Variants in CCDC13 observed in about 807,000 individuals in gnomAD.
CCDC13 encodes coiled-coil domain-containing protein 13.
A neutral mutation model predicts 87.3 loss-of-function variants in CCDC13; 70 were observed. That is an observed-to-expected ratio of 0.80 (90% CI 0.66 to 0.98). The LOEUF (loss-of-function observed/expected upper bound fraction) is 0.98, where lower values mean the gene tolerates loss of function less well. Among genes scored for constraint, CCDC13 ranks in the 50% least tolerant of loss-of-function variants. The pLI, the probability that CCDC13 is intolerant of heterozygous loss-of-function variation, is 0.00. For synonymous variants in CCDC13, 317 were observed against 360.3 expected (o/e 0.88, Z 1.36); for missense variants, 842 against 892.0 (o/e 0.94, Z 0.71).
chr3:42,721,993 CA>C (rs1698574770), intron 13 of CCDC13, among the ~76,000 whole-genome samples: 1 of 152,184 alleles, frequency 6.6e-6, no homozygotes, highest in Admixed American at 6.5e-5. Flanking sequence ...AACAGTTGGC[CA>C]GTTCATGGAA....
In CCDC13 at chr3:42,739,726, G is replaced by T; in HGVS notation, c.1072C>A (p.Leu358Met). The T allele has an allele frequency of 6.2e-7, 1 of 1,614,212 alleles. No homozygotes were observed. Among genetic ancestry groups the T allele is most frequent in the East Asian group, 2.2e-5 (1 of 44,894 alleles). Residue 358 changes from leucine (L) to methionine (M), a missense_variant, in exon 9 of 16, where the codon CTG becomes ATG. Coordinates refer to ENST00000310232, the MANE Select transcript of CCDC13 (RefSeq NM_144719.4). ...AGGGTCTTCATCTCACTTGACAGCA[G>T]CTTGTTCCGAGACCTCATGCCCTCG... ...KFEGMRSRNK[L>M]LSSEMKTLKS... is the part of the protein sequence containing the mutation.
chr3:42,731,170 C>T (rs1698820564), intron 12 of CCDC13, among the ~76,000 whole-genome samples: 1 of 151,778 alleles, frequency 6.6e-6, no homozygotes, highest in African/African-American at 2.4e-5. Context: ...CTTCAACCCC[C>T]CAGAGCCCAC....
At chr3:42,750,028 T>G (rs1168567170) in intron 5 of CCDC13, 4 of 443,336 alleles carry the variant, frequency 9.0e-6, no homozygotes. Context: ...GTGGTGCTGA[T>G]GAATTGAGAC....
At chr3:42,714,807 C>T (rs909330445) in intron 13 of CCDC13, among the ~76,000 whole-genome samples, 4 of 152,224 alleles carry the variant, frequency 2.6e-5, no homozygotes, top group African/African-American at 9.6e-5. Context: ...CAGCTACTAA[C>T]ACATATTTAA....
chr3:42,710,389 C>A (rs891694088), intron 14 of CCDC13, among the ~76,000 whole-genome samples: 81 of 152,228 alleles, frequency 5.3e-4, no homozygotes, highest in African/African-American at 1.9e-3. Context: ...AAAGAGAAAC[C>A]AGCTGAGCCT....
At chr3:42,736,115 T>G (rs1699008264) in intron 9 of CCDC13, among the ~76,000 whole-genome samples, 1 of 152,258 alleles carries the variant, frequency 6.6e-6, no homozygotes, top group African/African-American at 2.4e-5. Context: ...GTTCTTTTCC[T>G]GTCCTCAACT....
At chr3:42,757,462 G>A (rs1321168382) in intron 2 of CCDC13, among the ~76,000 whole-genome samples, 1 of 152,234 alleles carries the variant, frequency 6.6e-6, no homozygotes, top group Non-Finnish European at 1.5e-5. Flanking sequence ...GCTGGGTGTG[G>A]TGGCTCATGC....
intron 13 of CCDC13, among the ~76,000 whole-genome samples, chr3:42,724,718 C>T (rs1412307732): frequency 6.6e-6 from 1 of 152,122 alleles, no homozygotes; most frequent in Non-Finnish European, 1.5e-5. Context: ...AAGAGTCTGA[C>T]CAAAGTGACC....
chr3:42,732,952 G>A lies in CCDC13; in HGVS notation c.1530C>T (p.Gly510=). 3.2e-6 allele frequency: 5 copies of A among 1,553,082 alleles called. No individual in the cohort carries two copies. The highest frequency in any genetic ancestry group is 4.4e-6 in the Non-Finnish European group (5 of 1,147,636). Residue 510 remains glycine, a synonymous_variant, in exon 12 of 16, where the codon GGC becomes GGT. Transcript: ENST00000310232. ...TGAGAGCAGATTCCACCAGTGTGTG[G>A]CCCAGGCTGGTCACAGAGCTGTGTA... The part of the protein sequence containing the change: ...LGSSRSVTSL[G]HTLVESALTR...
intron 13 of CCDC13, among the ~76,000 whole-genome samples, chr3:42,727,096 G>C (rs1180674033): frequency 6.6e-6 from 1 of 152,186 alleles, no homozygotes; most frequent in Non-Finnish European, 1.5e-5. Context: ...AACAGGCCAG[G>C]CGTGGTGGCT....
chr3:42,766,838 C>G (rs1384424361), intron 1 of CCDC13, among the ~76,000 whole-genome samples: 1 of 152,150 alleles, frequency 6.6e-6, no homozygotes, highest in Non-Finnish European at 1.5e-5. Flanking sequence ...ACAGAAAAAG[C>G]ATTTGACAAA....
At chr3:42,748,577 T>C (rs1362396871) in intron 5 of CCDC13, among the ~76,000 whole-genome samples, 1 of 152,162 alleles carries the variant, frequency 6.6e-6, no homozygotes, top group Non-Finnish European at 1.5e-5. Context: ...CAGATCCAAG[T>C]ATACTGGGTC....
At position 42,723,646 on chromosome 3, in the gene CCDC13, A is replaced by G. The variant is rs553818404; in HGVS notation, c.1718+6821T>C. Among the ~76,000 whole-genome samples the G allele has an allele frequency of 2.0e-5, 3 of 152,364 alleles. 1 individual carries two copies. In the South Asian group the frequency reaches 6.2e-4, roughly 32 times the overall value. On this transcript the variant is annotated intron_variant, in intron 13 of 15. Coordinates refer to ENST00000310232, the MANE Select transcript of CCDC13 (RefSeq NM_144719.4). ...TAGAGCTGTAAGATTCAACATCGGAATTAGGTTAAAGGAAAAAATCAGGTA... is the reference window on the plus strand; with the variant it reads ...TAGAGCTGTAAGATTCAACATCGGAGTTAGGTTAAAGGAAAAAATCAGGTA...
At chr3:42,753,729 C>T (rs932132747) in intron 3 of CCDC13, among the ~76,000 whole-genome samples, 7 of 152,034 alleles carry the variant, frequency 4.6e-5, no homozygotes, top group Admixed American at 3.9e-4. Flanking sequence ...ACTGAGGGCT[C>T]AAACCATGAA....
chr3:42,738,368 T>G (rs1450556713), intron 9 of CCDC13, among the ~76,000 whole-genome samples: 4 of 152,242 alleles, frequency 2.6e-5, no homozygotes, highest in Non-Finnish European at 4.4e-5. Context: ...TTGTTCTTTT[T>G]GCTTAGGATT....
chr3:42,751,512 T>C (rs541720000), intron 5 of CCDC13, among the ~76,000 whole-genome samples: 1 of 152,314 alleles, frequency 6.6e-6, no homozygotes, highest in South Asian at 2.1e-4. Flanking sequence ...CACTGGGCAG[T>C]AGTGAGCTCC....
chr3:42,764,361 G>A (rs188725184), intron 1 of CCDC13, among the ~76,000 whole-genome samples: 17 of 152,276 alleles, frequency 1.1e-4, no homozygotes, highest in Admixed American at 1.0e-3. Context: ...TGGATGGGGG[G>A]CCTCTGAATT....
At chr3:42,724,048 G>T (rs1033860759) in intron 13 of CCDC13, among the ~76,000 whole-genome samples, 2 of 152,284 alleles carry the variant, frequency 1.3e-5, no homozygotes, top group Middle Eastern at 3.4e-3. Flanking sequence ...GGCAGCTATT[G>T]ACTCAACTGT....
In CCDC13 at chr3:42,757,106, G is replaced by A; in HGVS notation, c.330C>T (p.His110=). The part of the protein sequence containing the change: ...LLKERDFEIK[H]LKKKIEEDRF... ...TGTCCTCTTCTATTTTCTTTTTGAGGTGTTTGATTTCAAAGTCCCTTTCCT... is the reference window on the plus strand; with the variant it reads ...TGTCCTCTTCTATTTTCTTTTTGAGATGTTTGATTTCAAAGTCCCTTTCCT... Residue 110 remains histidine, a synonymous_variant, in exon 3 of 16, where the codon CAC becomes CAT. Coordinates refer to ENST00000310232, the MANE Select transcript of CCDC13 (RefSeq NM_144719.4). The A allele has an allele frequency of 2.5e-6, 4 of 1,614,110 alleles. No individual in the cohort carries two copies. Among genetic ancestry groups the A allele is most frequent in the Non-Finnish European group, 3.4e-6 (4 of 1,179,994 alleles).
Sources: gnomAD v4.1 joint callset for allele counts (sites outside exome capture counted in the v4.1 genomes callset) on GRCh38, gnomAD v4.1.1 for gene constraint, MANE v1.5 for transcripts, NCBI Gene and HGNC (gene_info 2026-07-23, HGNC 2026-07-21) for gene names.